GNAL: variants seen among roughly 807,000 people sequenced by gnomAD.
GNAL encodes the protein G protein subunit alpha L, also known as guanine nucleotide-binding protein G(olf) subunit alpha.
In GNAL, 18 loss-of-function variants were observed where a neutral mutation model predicts 55.1. The ratio of observed to expected loss-of-function variants is 0.33; its 90% CI spans 0.23 to 0.48. GNAL has a LOEUF of 0.48. GNAL is among the 20% of genes least tolerant of loss of function. The probability of loss-of-function intolerance (pLI) is 0.99; values close to 1 mark genes in which losing one functional copy is unlikely to be tolerated. For missense variants in GNAL, 412 were observed against 614.1 expected (o/e 0.67, Z 3.48); for synonymous variants, 253 against 237.0 (o/e 1.07, Z -0.62).
intron 8 of GNAL, among the ~76,000 whole-genome samples, chr18:11,867,522 T>C (rs1038087631): frequency 6.6e-6 from 1 of 151,646 alleles, no homozygotes; most frequent in Admixed American, 6.6e-5. Context: ...CTGTTAAAAA[T>C]ACAAAAATTA....
chr18:11,748,994 C>T (rs2032751922), intron 1 of GNAL, among the ~76,000 whole-genome samples: 2 of 151,818 alleles, frequency 1.3e-5, no homozygotes, highest in African/African-American at 4.8e-5. Context: ...GGTGTGATGG[C>T]GGGTGCCTAT....
chr18:11,841,398 C>T (rs1407406458), intron 5 of GNAL, among the ~76,000 whole-genome samples: 2 of 152,056 alleles, frequency 1.3e-5, no homozygotes, highest in African/African-American at 4.8e-5. Flanking sequence ...ATAATCCCAG[C>T]ACTTTCGGAG....
chr18:11,708,332 A>G (rs531884143), intron 1 of GNAL, among the ~76,000 whole-genome samples: 39 of 152,318 alleles, frequency 2.6e-4, no homozygotes, highest in African/African-American at 9.4e-4. Flanking sequence ...GGGAGGGCCC[A>G]GGAAAGGGAG....
intron 5 of GNAL, among the ~76,000 whole-genome samples, chr18:11,858,139 C>T (rs950458564): frequency 2.0e-5 from 3 of 151,970 alleles, no homozygotes; most frequent in African/African-American, 7.3e-5. Flanking sequence ...TTGACGCCAA[C>T]AACAGATGGG....
At position 11,689,617 on chromosome 18, in the gene GNAL, C is replaced by G. The variant is rs982367401; in HGVS notation, c.54C>G (p.Asp18Glu). The change falls in exon 1 of 12, where the codon GAC becomes GAG. Residue 18 changes from aspartate to glutamate, a missense_variant. Asp to Glu is a conservative substitution (Grantham distance 45). Transcript: ENST00000334049. ...TGCTTTTCGGGGGCCCAGGGGACGA[C>G]CCCTGCGCGGCCTCGGAGCCGCCGG... ...RPLLFGGPGD[D>E]PCAASEPPVE... 2.2e-6 allele frequency: 3 copies of G among 1,357,450 alleles called. No individual in the cohort carries two copies. The African/African-American group carries it at 4.6e-5, about 21-fold the overall frequency. The allele number at this position is 1,357,450 out of a possible 1,614,324, so 84.1% of individuals were successfully genotyped here.
chr18:11,787,594 C>T (rs149515408), intron 4 of GNAL, among the ~76,000 whole-genome samples: 2 of 152,148 alleles, frequency 1.3e-5, no homozygotes, highest in East Asian at 1.9e-4. Context: ...AATATTTGGC[C>T]GGGCGCGGTG....
At position 11,883,853 on chromosome 18, in the gene GNAL, G is replaced by A. The variant is rs929470488; in HGVS notation, c.*2718G>A. 1 of 152,230 alleles carries A rather than the reference G, an allele frequency of 6.6e-6. No individual in the cohort carries two copies. The highest frequency in any genetic ancestry group is 2.4e-5 in the African/African-American group (1 of 41,426). 9.4% of individuals were successfully genotyped at this position (152,230 alleles called of 1,614,324 possible). A position where few individuals can be genotyped will look rare whatever the true frequency, so the allele number is the denominator to read the frequency against. On this transcript the variant is annotated 3_prime_UTR_variant, in exon 12 of 12. Transcript: ENST00000334049. Reference sequence around the variant, plus strand: ...TTATAGGCACTTGCTACCATGCTTGGCTAATTTTTGTATTTCTAGCGGAGA... The same window carrying A: ...TTATAGGCACTTGCTACCATGCTTGACTAATTTTTGTATTTCTAGCGGAGA...
chr18:11,723,864 T>C (rs1318504337), intron 1 of GNAL, among the ~76,000 whole-genome samples: 1 of 152,162 alleles, frequency 6.6e-6, no homozygotes, highest in Non-Finnish European at 1.5e-5. Context: ...TCTCCCCCAC[T>C]CTGCACAGAC....
chr18:11,854,611 G>A (rs1041371759), intron 5 of GNAL, among the ~76,000 whole-genome samples: 4 of 152,054 alleles, frequency 2.6e-5, no homozygotes, highest in East Asian at 1.9e-4. Flanking sequence ...GAGAAACCCC[G>A]CCTCTACTAA....
rs1260063707 is a variant in GNAL at position 11,814,898 on chromosome 18, CAAAA to C, written c.625-10006_625-10003del. ...GGGCAATAAGAGTGAAACTCCATCT[CAAAA>C]AAAAAAAAAAAAAGTTGATTTCATA... On this transcript the variant is annotated intron_variant, in intron 4 of 11. Transcript: ENST00000334049. Among the ~76,000 whole-genome samples the C allele has an allele frequency of 2.3e-3, 197 of 85,952 alleles. 1 individual carries two copies. The highest frequency in any genetic ancestry group is 8.6e-3 in the South Asian group (22 of 2,572). The allele number at this position is 85,952 out of a possible 152,430, so 56.4% of individuals were successfully genotyped here. A position where few individuals can be genotyped will look rare whatever the true frequency, so the allele number is the denominator to read the frequency against.
At chr18:11,807,383 G>A (rs963829918) in intron 4 of GNAL, among the ~76,000 whole-genome samples, 8 of 152,084 alleles carry the variant, frequency 5.3e-5, no homozygotes, top group Admixed American at 2.0e-4. Flanking sequence ...CCATAACTGC[G>A]TGGACTAGAT....
At chr18:11,736,992 A>G (rs2032476522) in intron 1 of GNAL, among the ~76,000 whole-genome samples, 1 of 152,250 alleles carries the variant, frequency 6.6e-6, no homozygotes, top group Non-Finnish European at 1.5e-5. Context: ...ATGATAAAGC[A>G]AATGTAGCAA....
chr18:11,806,209 G>T (rs1215265338), intron 4 of GNAL, among the ~76,000 whole-genome samples: 10 of 152,194 alleles, frequency 6.6e-5, no homozygotes, highest in African/African-American at 2.4e-4. Context: ...GGGGGTTTTT[G>T]TAGAGTTGAG....
chr18:11,824,928 A>C lies in GNAL; in HGVS notation c.635A>C (p.Asp212Ala). ...TDFEYSQEFF[D>A]HVKKLWDDEG... ...TCTTTCAAACTTTAGGAATTCTTTG[A>C]CCATGTGAAAAAACTTTGGGACGAT... The change falls in exon 5 of 12, where the codon GAC becomes GCC. Residue 212 changes from aspartate to alanine, a missense_variant. Asp to Ala is a moderately radical substitution (Grantham distance 126). Around this residue, in one of 5 missense-constraint regions of GNAL, gnomAD observed 47 missense variants for 82.7 expected, o/e 0.57. Coordinates refer to ENST00000334049, the MANE Select transcript of GNAL (RefSeq NM_182978.4). 2 of 1,568,344 alleles carry C rather than the reference A, an allele frequency of 1.3e-6. No individual in the cohort carries two copies. Among genetic ancestry groups the C allele is most frequent in the Non-Finnish European group, 1.7e-6 (2 of 1,142,878 alleles).
In GNAL at chr18:11,787,846, C is replaced by G. The variant is rs545041839; in HGVS notation, c.624+33901C>G. Among the ~76,000 whole-genome samples the G allele has an allele frequency of 1.7e-4, 25 of 150,856 alleles. No individual in the cohort carries two copies. In the South Asian group the frequency reaches 3.6e-3, roughly 22 times the overall value. On this transcript the variant is annotated intron_variant, in intron 4 of 11. Coordinates refer to ENST00000334049, the MANE Select transcript of GNAL (RefSeq NM_182978.4). ...CCAAGATTGCACCACTGCACTCCAG[C>G]CTGGGAGACAGAGCCAGACTCCATC...
intron 1 of GNAL, among the ~76,000 whole-genome samples, chr18:11,748,546 CCT>C (rs2032742416): frequency 6.6e-6 from 1 of 152,130 alleles, no homozygotes; most frequent in African/African-American, 2.4e-5. Flanking sequence ...CATCTGTTTA[CCT>C]AATCCTTCTT....
At chr18:11,725,997 A>G (rs899539373) in intron 1 of GNAL, among the ~76,000 whole-genome samples, 4 of 152,176 alleles carry the variant, frequency 2.6e-5, no homozygotes, top group Admixed American at 6.5e-5. Flanking sequence ...TCCCAGCACC[A>G]TCTTTTGAAA....
intron 4 of GNAL, among the ~76,000 whole-genome samples, chr18:11,763,637 C>G (rs771387157): frequency 3.9e-5 from 6 of 152,028 alleles, no homozygotes; most frequent in Non-Finnish European, 7.4e-5. Context: ...TCCCAAAGTG[C>G]CGAGATTACA....
intron 1 of GNAL, among the ~76,000 whole-genome samples, chr18:11,742,724 C>G (rs1004820942): frequency 6.6e-6 from 1 of 152,192 alleles, no homozygotes; most frequent in Non-Finnish European, 1.5e-5. Flanking sequence ...TCCATGTGGT[C>G]CGACCCCACC....
Sources: gnomAD v4.1 joint callset for allele counts (sites outside exome capture counted in the v4.1 genomes callset) on GRCh38, gnomAD v4.1.1 for gene constraint, gnomAD v4.1.1 regional missense constraint, MANE v1.5 for transcripts, NCBI Gene and HGNC (gene_info 2026-07-23, HGNC 2026-07-21) for gene names.